PTPRD: variants seen among roughly 807,000 people sequenced by gnomAD.
PTPRD encodes receptor-type tyrosine-protein phosphatase delta.
Under a neutral mutation model 214.5 loss-of-function variants are expected in PTPRD, and 34 were observed. The ratio of observed to expected loss-of-function variants is 0.16; its 90% CI spans 0.12 to 0.21. PTPRD has a LOEUF of 0.21. Among genes scored for constraint, PTPRD ranks in the 10% least tolerant of loss-of-function variants. The pLI is 1.00. For missense variants in PTPRD, 2,545 were observed against 2,398.7 expected (o/e 1.06, Z -1.27); for synonymous variants, 1,128 against 845.7 (o/e 1.33, Z -5.79).
intron 11 of PTPRD, among the ~76,000 whole-genome samples, chr9:8,929,076 C>T (rs576557059): frequency 1.3e-5 from 2 of 152,056 alleles, no homozygotes; most frequent in Non-Finnish European, 2.9e-5. Context: ...TATCAGCTTG[C>T]AGAAATTTTG....
At chr9:8,414,712 C>A (rs1227236467) in intron 35 of PTPRD, among the ~76,000 whole-genome samples, 1 of 151,866 alleles carries the variant, frequency 6.6e-6, no homozygotes, top group Admixed American at 6.6e-5. Context: ...CTCAAAGTAT[C>A]CCAGTTTAGG....
intron 7 of PTPRD, among the ~76,000 whole-genome samples, chr9:9,677,399 C>T (rs2096956369): frequency 3.9e-5 from 6 of 152,060 alleles, no homozygotes; most frequent in Admixed American, 2.6e-4. Flanking sequence ...CCCTGGGATG[C>T]AAGGCTGGTT....
At chr9:10,568,589 T>G (rs1016841635) in intron 2 of PTPRD, among the ~76,000 whole-genome samples, 1 of 152,094 alleles carries the variant, frequency 6.6e-6, no homozygotes, top group Non-Finnish European at 1.5e-5. Flanking sequence ...ACCAACAGTG[T>G]AAAAGTGTTC....
intron 11 of PTPRD, among the ~76,000 whole-genome samples, chr9:8,739,363 A>G (rs771628741): frequency 4.6e-5 from 7 of 152,252 alleles, no homozygotes; most frequent in Non-Finnish European, 8.8e-5. Context: ...TCCAGTACTG[A>G]CAGATATAAC....
intron 3 of PTPRD, among the ~76,000 whole-genome samples, chr9:10,307,968 C>T (rs962285198): frequency 3.3e-5 from 5 of 151,838 alleles, no homozygotes; most frequent in African/African-American, 1.2e-4. Flanking sequence ...GATCTTAGTT[C>T]CTTACAGGAT....
chr9:10,507,973 T>G (rs1056021911), intron 2 of PTPRD, among the ~76,000 whole-genome samples: 3 of 152,000 alleles, frequency 2.0e-5, no homozygotes, highest in African/African-American at 7.2e-5. Flanking sequence ...CTAAAGAACT[T>G]TGGCACAGCA....
In PTPRD at chr9:9,739,525, G is replaced by A. The variant is rs376706532; in HGVS notation, c.-325-4954C>T. Among the ~76,000 whole-genome samples the A allele has an allele frequency of 1.2e-3, 187 of 151,638 alleles. 1 individual carries two copies. The highest frequency in any genetic ancestry group is 4.2e-3 in the African/African-American group (172 of 41,366). On this transcript the variant is annotated intron_variant, in intron 6 of 45. Coordinates refer to ENST00000381196, the MANE Select transcript of PTPRD (RefSeq NM_002839.4). ...CTAACATCCTCTCAACATCCTTTTA[G>A]TATCATCAGGGTTTATAGTGATTTA...
At chr9:9,393,736 T>C (rs927796047) in intron 9 of PTPRD, among the ~76,000 whole-genome samples, 1 of 152,190 alleles carries the variant, frequency 6.6e-6, no homozygotes, top group Non-Finnish European at 1.5e-5. Context: ...CTCAGATTCT[T>C]GAGCTCTAAA....
chr9:9,409,344 A>G (rs1356773620), intron 8 of PTPRD, among the ~76,000 whole-genome samples: 2 of 151,984 alleles, frequency 1.3e-5, no homozygotes, highest in Non-Finnish European at 2.9e-5. Flanking sequence ...TTTTATGCAT[A>G]TGAATATTTT....
At chr9:9,750,690 C>T (rs1014396450) in intron 6 of PTPRD, among the ~76,000 whole-genome samples, 4 of 152,032 alleles carry the variant, frequency 2.6e-5, no homozygotes, top group Non-Finnish European at 5.9e-5. Context: ...CATAAGAAAT[C>T]TTAAATAAGT....
intron 33 of PTPRD, among the ~76,000 whole-genome samples, chr9:8,453,365 C>T (rs1043063168): frequency 7.2e-5 from 11 of 151,862 alleles, no homozygotes; most frequent in Non-Finnish European, 1.6e-4. Context: ...GTGGTTTCGC[C>T]GTGTTAGTCA....
intron 2 of PTPRD, among the ~76,000 whole-genome samples, chr9:10,559,851 A>G (rs897083708): frequency 1.3e-5 from 2 of 152,100 alleles, no homozygotes; most frequent in Non-Finnish European, 2.9e-5. Context: ...AATCAAAACC[A>G]CAATGAGATA....
In PTPRD at chr9:8,518,347, A is replaced by G; in HGVS notation, c.1044T>C (p.Pro348=). 4 of 1,614,152 alleles carry G rather than the reference A, an allele frequency of 2.5e-6. No individual in the cohort carries two copies. The South Asian group carries it at 3.3e-5, about 13-fold the overall frequency. ...GAATTATGTAATAAGAAACAGGCTCAGGGTTCCCAGAGTCCCACGTCAGTG... is the reference window on the plus strand; with the variant it reads ...GAATTATGTAATAAGAAACAGGCTCGGGGTTCCCAGAGTCCCACGTCAGTG... ...SITLTWDSGN[P]EPVSYYIIQH... The change falls in exon 21 of 46, where the codon CCT becomes CCC. Residue 348 remains proline, a synonymous_variant. Transcript: ENST00000381196.
chr9:10,008,009 G>C (rs1425011919), intron 4 of PTPRD, among the ~76,000 whole-genome samples: 1 of 151,942 alleles, frequency 6.6e-6, no homozygotes, highest in African/African-American at 2.4e-5. Context: ...AGTTTATAAA[G>C]TAATAAACCA....
At chr9:8,324,062 A>G (rs1028908979) in intron 44 of PTPRD, among the ~76,000 whole-genome samples, 3 of 152,114 alleles carry the variant, frequency 2.0e-5, no homozygotes, top group African/African-American at 7.2e-5. Flanking sequence ...CAACCAGCAA[A>G]AAGATTAAAA....
intron 12 of PTPRD, among the ~76,000 whole-genome samples, chr9:8,666,717 C>T (rs2154359601): frequency 6.6e-6 from 1 of 152,292 alleles, no homozygotes; most frequent in East Asian, 1.9e-4. Flanking sequence ...TCTATTATTT[C>T]TACATCCCAG....
At chr9:9,642,045 G>A (rs2095978042) in intron 7 of PTPRD, among the ~76,000 whole-genome samples, 1 of 149,596 alleles carries the variant, frequency 6.7e-6, no homozygotes, top group African/African-American at 2.5e-5. Context: ...ACTGGATTAA[G>A]AAAATGTGGC....
chr9:10,102,845 C>G (rs1281147825), intron 3 of PTPRD, among the ~76,000 whole-genome samples: 1 of 151,688 alleles, frequency 6.6e-6, no homozygotes. Context: ...TAGTCAAATT[C>G]TTACAATGGA....
intron 38 of PTPRD, 131 bp from the exon 39 acceptor site, chr9:8,376,221 A>G (rs2083198715): frequency 2.8e-6 from 3 of 1,074,216 alleles, no homozygotes; most frequent in South Asian, 3.4e-5. Flanking sequence ...CTTTGGGAAG[A>G]CACACTCTTT....
Sources: gnomAD v4.1 joint callset for allele counts (sites outside exome capture counted in the v4.1 genomes callset) on GRCh38, gnomAD v4.1.1 for gene constraint, MANE v1.5 for transcripts, NCBI Gene and HGNC (gene_info 2026-07-23, HGNC 2026-07-21) for gene names.